ZNF704: variants seen among roughly 807,000 people sequenced by gnomAD.
The protein encoded by ZNF704 is glucocorticoid induced gene 1.
Under a neutral mutation model 44.7 loss-of-function variants are expected in ZNF704, and 10 were observed. The ratio of observed to expected loss-of-function variants is 0.22; its 90% CI spans 0.14 to 0.38. ZNF704 has a LOEUF of 0.38. ZNF704 is among the 10% of genes least tolerant of loss of function. The pLI, the probability that ZNF704 is intolerant of heterozygous loss-of-function variation, is 1.00. For missense variants in ZNF704, 390 were observed against 545.5 expected, an observed-to-expected ratio of 0.71 and a Z score of 2.84; for synonymous variants, 211 against 207.6, an observed-to-expected ratio of 1.02 and a Z score of -0.14.
intron 5 of ZNF704, among the ~76,000 whole-genome samples, chr8:80,667,839 G>A (rs935298925): frequency 1.3e-5 from 2 of 152,150 alleles, no homozygotes; most frequent in African/African-American, 4.8e-5. Context: ...TATAGCCCCC[G>A]TTCCTCAGTT....
chr8:80,798,543 C>T (rs926191920), intron 2 of ZNF704, among the ~76,000 whole-genome samples: 2 of 152,170 alleles, frequency 1.3e-5, no homozygotes, highest in African/African-American at 2.4e-5. Context: ...GCGTGAGCCA[C>T]GATGCCCGGC....
At chr8:80,846,401 TACACACACACAC>T (rs33922681) in intron 1 of ZNF704, among the ~76,000 whole-genome samples, 20 of 148,504 alleles carry the variant, frequency 1.3e-4, no homozygotes, top group Admixed American at 1.1e-3. Context: ...AGAGATTTCA[TACACACACACAC>T]ACACACACAC....
chr8:80,777,442 C>G (rs956924147), intron 2 of ZNF704, among the ~76,000 whole-genome samples: 1 of 152,142 alleles, frequency 6.6e-6, no homozygotes, highest in Non-Finnish European at 1.5e-5. Flanking sequence ...TACAGAAAAG[C>G]TAAAATCATA....
chr8:80,695,968 A>G (rs376075373), intron 2 of ZNF704, among the ~76,000 whole-genome samples: 2 of 152,370 alleles, frequency 1.3e-5, no homozygotes, highest in South Asian at 4.1e-4. Context: ...TAATCATGCT[A>G]CATGAAACAT....
chr8:80,767,196 GTTCTAA>G (rs1490572307), intron 2 of ZNF704, among the ~76,000 whole-genome samples: 1 of 151,868 alleles, frequency 6.6e-6, no homozygotes, highest in Non-Finnish European at 1.5e-5. Context: ...TTTGACCTTT[GTTCTAA>G]AGATGCCTCA....
chr8:80,861,837 CTTAACATGT>C (rs1246360498), intron 1 of ZNF704, among the ~76,000 whole-genome samples: 3 of 151,816 alleles, frequency 2.0e-5, no homozygotes, highest in Non-Finnish European at 2.9e-5. Flanking sequence ...GTATGTCAAA[CTTAACATGT>C]TTAAGACAGA....
At chr8:80,765,136 G>C (rs980425823) in intron 2 of ZNF704, among the ~76,000 whole-genome samples, 4 of 152,096 alleles carry the variant, frequency 2.6e-5, no homozygotes, top group African/African-American at 9.7e-5. Context: ...CTCAGGCCTT[G>C]GGGGGGCCAC....
intron 5 of ZNF704, among the ~76,000 whole-genome samples, chr8:80,667,376 G>A (rs772168550): frequency 6.6e-6 from 1 of 152,196 alleles, no homozygotes; most frequent in Admixed American, 6.5e-5. Context: ...AAAAGCAGAC[G>A]CCACCAAGGA....
intron 7 of ZNF704, among the ~76,000 whole-genome samples, chr8:80,655,581 C>T (rs115565769): frequency 1.7e-3 from 252 of 152,162 alleles, no homozygotes; most frequent in African/African-American, 5.9e-3. Context: ...ACTGTGTGAA[C>T]GACACAACTC....
At position 80,662,190 on chromosome 8, in the gene ZNF704, C is replaced by T. The variant is rs144350571; in HGVS notation, c.928-2501G>A. The stretch of plus-strand genomic sequence containing the variant: ...AGTAAAAACAGTTCTGCAACAGATC[C>T]CTTTTAAAAACTGCAAATGTATAAA... On this transcript the variant is annotated intron_variant, in intron 6 of 8. Coordinates refer to ENST00000327835, the MANE Select transcript of ZNF704 (RefSeq NM_001033723.3). 5.1e-3 allele frequency among the ~76,000 whole-genome samples: 771 copies of T among 152,020 alleles called. 7 individuals are homozygous for T. Among genetic ancestry groups the T allele is most frequent in the African/African-American group, 0.018 (752 of 41,460 alleles).
intron 1 of ZNF704, among the ~76,000 whole-genome samples, chr8:80,826,247 T>A (rs145309448): frequency 0.21 from 32,196 of 151,868 alleles, 4,747 homozygotes; most frequent in African/African-American, 0.42. Flanking sequence ...AAAGGAGATA[T>A]CACCACCGAT....
At chr8:80,741,780 AC>A (rs898126878) in intron 2 of ZNF704, among the ~76,000 whole-genome samples, 3 of 152,128 alleles carry the variant, frequency 2.0e-5, no homozygotes, top group Non-Finnish European at 2.9e-5. Context: ...ACTGATCCCA[AC>A]CTCAACTTGT....
At chr8:80,720,789 A>G (rs1289333769) in intron 2 of ZNF704, among the ~76,000 whole-genome samples, 2 of 152,238 alleles carry the variant, frequency 1.3e-5, no homozygotes, top group Non-Finnish European at 2.9e-5. Flanking sequence ...ATAGTCAGCT[A>G]CAGCCACTTG....
chr8:80,804,261 T>A (rs1264275966), intron 2 of ZNF704, among the ~76,000 whole-genome samples: 1 of 152,176 alleles, frequency 6.6e-6, no homozygotes, highest in African/African-American at 2.4e-5. Context: ...TGGAAGACAG[T>A]ATGGCAATTC....
intron 1 of ZNF704, among the ~76,000 whole-genome samples, chr8:80,871,413 G>A (rs1480720519): frequency 6.6e-6 from 1 of 152,094 alleles, no homozygotes; most frequent in Non-Finnish European, 1.5e-5. Flanking sequence ...CTTCCCATGC[G>A]AAATGTCTCA....
chr8:80,778,641 T>C (rs554938439), intron 2 of ZNF704, among the ~76,000 whole-genome samples: 1 of 152,022 alleles, frequency 6.6e-6, no homozygotes, highest in South Asian at 2.1e-4. Flanking sequence ...ATAAAGAAAA[T>C]GTGGTACATA....
rs142041418 is a variant in ZNF704, at chr8:80,668,674, A to G, written c.659+1829T>C. 6.6e-3 allele frequency among the ~76,000 whole-genome samples: 1,003 copies of G among 152,306 alleles called. 12 individuals carry two copies. Among genetic ancestry groups the G allele is most frequent in the African/African-American group, 0.023 (973 of 41,556 alleles). ...GTGTACAAGAATGGAGTGAGATTGA[A>G]AAGTGTGTGCTTTTTATACAGGCAT... On this transcript the variant is annotated intron_variant, in intron 5 of 8. Coordinates refer to ENST00000327835, the MANE Select transcript of ZNF704 (RefSeq NM_001033723.3).
At position 80,666,593 on chromosome 8, in the gene ZNF704, T is replaced by G. The variant is rs1818198876; in HGVS notation, c.660-1511A>C. On this transcript the variant is annotated intron_variant, in intron 5 of 8. Coordinates refer to ENST00000327835, the MANE Select transcript of ZNF704 (RefSeq NM_001033723.3). ...TACAGTCCCACCAACAGTGTAAAAG[T>G]GTTCCTGTTTCTCCACATCCTCTCC... Among the ~76,000 whole-genome samples the G allele has an allele frequency of 2.0e-5, 3 of 151,776 alleles. No individual in the cohort carries two copies. In the South Asian group the frequency reaches 6.3e-4, roughly 32 times the overall value.
chr8:80,728,009 G>A (rs576573040), intron 2 of ZNF704, among the ~76,000 whole-genome samples: 1 of 152,192 alleles, frequency 6.6e-6, no homozygotes, highest in Non-Finnish European at 1.5e-5. Flanking sequence ...AAGGGCATGA[G>A]TTACAGTCTG....
Sources: gnomAD v4.1 joint callset for allele counts (sites outside exome capture counted in the v4.1 genomes callset) on GRCh38, gnomAD v4.1.1 for gene constraint, MANE v1.5 for transcripts, NCBI Gene and HGNC (gene_info 2026-07-23, HGNC 2026-07-21) for gene names.